PBLD: variants seen among roughly 807,000 people sequenced by gnomAD.
PBLD encodes phenazine biosynthesis-like domain-containing protein.
A neutral mutation model predicts 31.3 loss-of-function variants in PBLD; 26 were observed. The ratio of observed to expected loss-of-function variants is 0.83; its 90% confidence interval spans 0.61 to 1.15. The LOEUF is 1.15. Ranked by LOEUF, PBLD falls within the 50% of genes most tolerant of loss-of-function variation. The pLI, the probability that PBLD is intolerant of heterozygous loss-of-function variation, is 0.00. For synonymous variants in PBLD, 114 were observed against 129.0 expected, an observed-to-expected ratio of 0.88 and a Z score of 0.79; for missense variants, 307 against 351.7, an observed-to-expected ratio of 0.87 and a Z score of 1.02.
chr10:68,306,529 T>C (rs563160747), intron 2 of PBLD, among the ~76,000 whole-genome samples: 1 of 152,232 alleles, frequency 6.6e-6, no homozygotes, highest in Non-Finnish European at 1.5e-5. Context: ...TAAAATTGGC[T>C]CTAGTTCCTC....
chr10:68,285,600 G>A (rs989984183), intron 8 of PBLD, among the ~76,000 whole-genome samples, 190 bp from the exon 9 acceptor site: 59 of 152,118 alleles, frequency 3.9e-4, no homozygotes, highest in African/African-American at 1.4e-3. Context: ...TAGAATTTAT[G>A]GATAAACTCG....
At chr10:68,288,702 C>T (rs1429942411) in intron 7 of PBLD, 41 bp from the exon 8 acceptor site, 2 of 1,591,164 alleles carry the variant, frequency 1.3e-6, no homozygotes, top group South Asian at 1.1e-5. Flanking sequence ...ACCCATTTCA[C>T]AGCCCACTCA....
intron 1 of PBLD, among the ~76,000 whole-genome samples, chr10:68,316,489 G>T (rs1235996592): frequency 6.6e-6 from 1 of 152,128 alleles, no homozygotes; most frequent in Non-Finnish European, 1.5e-5. Flanking sequence ...GAGCCTCAGA[G>T]ATCTCTGGGA....
At chr10:68,320,153 T>C (rs2044812900) in intron 1 of PBLD, among the ~76,000 whole-genome samples, 1 of 151,622 alleles carries the variant, frequency 6.6e-6, no homozygotes, top group Non-Finnish European at 1.5e-5. Flanking sequence ...AAGACACAAA[T>C]AGGTGAAAAT....
At chr10:68,322,904 T>TA (rs989476282) in intron 1 of PBLD, among the ~76,000 whole-genome samples, 10 of 149,474 alleles carry the variant, frequency 6.7e-5, no homozygotes, top group African/African-American at 1.2e-4. Flanking sequence ...CTGGCTAACT[T>TA]AAAAAAAAAA....
At chr10:68,331,971 G>A (rs999009061) in intron 1 of PBLD, 1 of 152,456 alleles carries the variant, frequency 6.6e-6, no homozygotes, top group Non-Finnish European at 1.5e-5. Context: ...ATGCGAAACC[G>A]ACTTTCCCGT....
At chr10:68,321,806 G>A (rs56012739) in intron 1 of PBLD, among the ~76,000 whole-genome samples, 24,575 of 152,060 alleles carry the variant, frequency 0.16, 2,252 homozygotes, top group South Asian at 0.24. Flanking sequence ...GAAGCAACAC[G>A]GTATTGGATT....
chr10:68,296,147 T>G (rs1006731316), intron 4 of PBLD, 119 bp downstream of exon 4: 1 of 714,898 alleles, frequency 1.4e-6, no homozygotes, highest in African/African-American at 1.8e-5. Context: ...TAGCATGAAG[T>G]AAACTCTGCA....
chr10:68,324,742 G>A (rs962106375), intron 1 of PBLD, among the ~76,000 whole-genome samples: 24 of 151,714 alleles, frequency 1.6e-4, no homozygotes, highest in Admixed American at 6.6e-5. Flanking sequence ...AGCCTCCCAA[G>A]TAGCTGAGAT....
chr10:68,331,923 C>G (rs1181176886), intron 1 of PBLD: 2 of 152,326 alleles, frequency 1.3e-5, no homozygotes, highest in Non-Finnish European at 2.9e-5. Flanking sequence ...AGCTGCGCAA[C>G]CCACCACCGC....
At chr10:68,291,877 A>G in intron 6 of PBLD, 133 bp downstream of exon 6, 1 of 1,024,890 alleles carries the variant, frequency 9.8e-7, no homozygotes, top group South Asian at 1.6e-5. Flanking sequence ...TAGACTGAAT[A>G]TTAAAATTCA....
chr10:68,314,138 A>G (rs1324545236), intron 1 of PBLD, among the ~76,000 whole-genome samples: 2 of 151,826 alleles, frequency 1.3e-5, no homozygotes, highest in Non-Finnish European at 2.9e-5. Flanking sequence ...CACTGTGCCC[A>G]GCTAATTTTT....
At chr10:68,308,281 TTTAAG>T (rs2044610159) in intron 1 of PBLD, among the ~76,000 whole-genome samples, 1 of 152,210 alleles carries the variant, frequency 6.6e-6, no homozygotes, top group African/African-American at 2.4e-5. Context: ...TGGGTGAATA[TTTAAG>T]TTGTTTCTAA....
intron 1 of PBLD, among the ~76,000 whole-genome samples, chr10:68,330,709 C>CGTGTGTGTGTGTGTGTGTGTGTGTGTGT (rs56166847): frequency 1.4e-5 from 2 of 142,822 alleles, no homozygotes; most frequent in African/African-American, 2.6e-5. Flanking sequence ...CCACGCCCGG[C>CGTGTGTGTGTGTGTGTGTGTGTGTGTGT]GTGTGTGTGT....
In PBLD at chr10:68,284,082, T is replaced by C. The variant is rs546026176; in HGVS notation, c.*95A>G. 23 of 1,156,066 alleles carry C rather than the reference T, an allele frequency of 2.0e-5. No homozygotes were observed. The African/African-American group carries it at 3.6e-4, about 18-fold the overall frequency. The allele number at this position is 1,156,066 out of a possible 1,614,324, so 71.6% of individuals were successfully genotyped here. A position where few individuals can be genotyped will look rare whatever the true frequency, so the allele number is the denominator to read the frequency against. On this transcript the variant is annotated 3_prime_UTR_variant, in exon 10 of 10. Coordinates refer to ENST00000358769, the MANE Select transcript of PBLD (RefSeq NM_022129.4). ...TTTTTAACATGAGGATTAAGTAGAC[T>C]ACTACGCACATTTGCTAAAGGCAGC...
intron 4 of PBLD, 56 bp downstream of exon 4, chr10:68,296,210 T>TA (rs796731411): frequency 0.019 from 20,928 of 1,083,870 alleles, no homozygotes; most frequent in Non-Finnish European, 0.022. Context: ...TGTGAGAACT[T>TA]AAAAAAAAAA....
At chr10:68,319,934 C>T in intron 1 of PBLD, among the ~76,000 whole-genome samples, 1 of 151,718 alleles carries the variant, frequency 6.6e-6, no homozygotes, top group East Asian at 2.0e-4. Context: ...AGCGATTCTC[C>T]TGCCTCAGCC....
intron 1 of PBLD, chr10:68,331,026 AT>A (rs975628515): frequency 5.9e-5 from 9 of 152,158 alleles, no homozygotes; most frequent in East Asian, 5.8e-4. Flanking sequence ...GTGCGCTGCC[AT>A]CACGCCCAGC....
intron 9 of PBLD, 169 bp downstream of exon 9, chr10:68,285,179 G>T: frequency 6.8e-7 from 1 of 1,463,764 alleles, no homozygotes; most frequent in Non-Finnish European, 9.0e-7. Context: ...AGAGGTGAAG[G>T]CTGTTTGGGG....
Sources: allele counts gnomAD v4.1 joint callset (sites outside exome capture counted in the v4.1 genomes callset), GRCh38; gene constraint gnomAD v4.1.1; transcripts MANE v1.5; gene names NCBI Gene and HGNC (gene_info 2026-07-23, HGNC 2026-07-21).